The following GRK5 variants were observed in gnomAD, a reference collection of about 807,000 sequenced individuals.
GRK5 encodes G protein-coupled receptor kinase 5.
In GRK5, 40 loss-of-function variants were observed where a neutral mutation model predicts 78.4. The ratio of observed to expected loss-of-function variants is 0.51; its 90% CI spans 0.40 to 0.66. The LOEUF (loss-of-function observed/expected upper bound fraction) is 0.66, where lower values mean the gene tolerates loss of function less well. Among genes scored for constraint, GRK5 ranks in the 30% least tolerant of loss-of-function variants. The pLI is 0.00. For missense variants in GRK5, 598 were observed against 759.9 expected (o/e 0.79, Z 2.50); for synonymous variants, 289 against 296.8 (o/e 0.97, Z 0.27).
chr10:119,286,144 A>G (rs907341618), intron 1 of GRK5, among the ~76,000 whole-genome samples: 3 of 150,072 alleles, frequency 2.0e-5, no homozygotes, highest in African/African-American at 7.5e-5. Context: ...TCAGGATTTT[A>G]AAAACTTTTC....
chr10:119,275,204 G>A lies in GRK5; in HGVS notation c.53-51312G>A, dbSNP rs545434821. 3.3e-5 allele frequency among the ~76,000 whole-genome samples: 5 copies of A among 152,268 alleles called. No homozygotes were observed. In the South Asian group the frequency reaches 1.0e-3, roughly 32 times the overall value. ...CCAGAGTGAAGTTCCTGACTGTGAG[G>A]TTTCAGACGGGATAAGCGCCTGGAG... On this transcript the variant is annotated intron_variant, in intron 1 of 15. Transcript: ENST00000392870.
At chr10:119,338,724 C>T (rs944728840) in intron 2 of GRK5, among the ~76,000 whole-genome samples, 2 of 152,162 alleles carry the variant, frequency 1.3e-5, no homozygotes, top group African/African-American at 4.8e-5. Flanking sequence ...CACCCAGGCC[C>T]CCGGTCTCTC....
chr10:119,437,954 C>T (rs768146898), intron 9 of GRK5, among the ~76,000 whole-genome samples: 5 of 152,128 alleles, frequency 3.3e-5, no homozygotes, highest in African/African-American at 9.7e-5. Context: ...AAAAAGTAGC[C>T]GGATGCGGTG....
At chr10:119,280,565 G>A (rs1849746316) in intron 1 of GRK5, among the ~76,000 whole-genome samples, 1 of 152,030 alleles carries the variant, frequency 6.6e-6, no homozygotes. Flanking sequence ...GTTATTTTAG[G>A]GGTCTCAGCA....
intron 2 of GRK5, among the ~76,000 whole-genome samples, chr10:119,353,776 A>G (rs920106241): frequency 2.7e-4 from 41 of 152,142 alleles, no homozygotes; most frequent in Admixed American, 2.3e-3. Flanking sequence ...ATTTTTAGCA[A>G]TGACATCACT....
Position 119,412,143 on chromosome 10 carries a change from G to T in GRK5, c.340-11023G>T, listed in dbSNP as rs934532532. 6.6e-6 allele frequency among the ~76,000 whole-genome samples: 1 copy of T among 152,060 alleles called. No homozygotes were observed. Among genetic ancestry groups the T allele is most frequent in the African/African-American group, 2.4e-5 (1 of 41,394 alleles). Reference sequence around the variant, plus strand: ...TGGGATTCCAGGCGTGAGCCACTGCGCCCGGCCTCAGATCCGCTTCTGATT... The same window carrying T: ...TGGGATTCCAGGCGTGAGCCACTGCTCCCGGCCTCAGATCCGCTTCTGATT... On this transcript the variant is annotated intron_variant, in intron 4 of 15. Coordinates refer to ENST00000392870, the MANE Select transcript of GRK5 (RefSeq NM_005308.3). This position sits in a 1 kb window ranked among gnomAD's most constrained non-coding sequence, Gnocchi z 4.3.
intron 13 of GRK5, among the ~76,000 whole-genome samples, chr10:119,451,809 G>A (rs147582693): frequency 1.3e-4 from 20 of 152,326 alleles, no homozygotes; most frequent in African/African-American, 3.4e-4. Context: ...CTGGCATGGC[G>A]GAGCCCATGC....
Position 119,379,014 on chromosome 10 carries a change from G to A in GRK5, c.149-1801G>A, listed in dbSNP as rs576095872. 6.6e-6 allele frequency among the ~76,000 whole-genome samples: 1 copy of A among 152,320 alleles called. No individual in the cohort carries two copies. Among genetic ancestry groups the A allele is most frequent in the African/African-American group, 2.4e-5 (1 of 41,574 alleles). On this transcript the variant is annotated intron_variant, in intron 2 of 15. Coordinates refer to ENST00000392870, the MANE Select transcript of GRK5 (RefSeq NM_005308.3). This position sits in a 1 kb window ranked among gnomAD's most constrained non-coding sequence, Gnocchi z 4.1. ...GTGACTGAGTCACGTGCCTGTCTCC[G>A]TAGCATGGGAGGCGTCAGCTCCCCT...
At chr10:119,296,882 C>G (rs1850090723) in intron 1 of GRK5, among the ~76,000 whole-genome samples, 1 of 152,242 alleles carries the variant, frequency 6.6e-6, no homozygotes, top group African/African-American at 2.4e-5. Context: ...GCGCAGGGCC[C>G]CACCCCCAGT....
chr10:119,214,906 G>A (rs1848545901), intron 1 of GRK5, among the ~76,000 whole-genome samples: 1 of 152,244 alleles, frequency 6.6e-6, no homozygotes, highest in Non-Finnish European at 1.5e-5. Flanking sequence ...GGAATGACAA[G>A]ATCCAAGAGG....
intron 4 of GRK5, among the ~76,000 whole-genome samples, chr10:119,420,590 T>A (rs568216706): frequency 6.6e-6 from 1 of 151,478 alleles, no homozygotes; most frequent in African/African-American, 2.4e-5. Context: ...TTTTTCTTTT[T>A]TCTTTTGAGA....
intron 2 of GRK5, among the ~76,000 whole-genome samples, chr10:119,343,335 C>G (rs1457771835): frequency 2.6e-5 from 4 of 152,190 alleles, no homozygotes; most frequent in Admixed American, 1.3e-4. Context: ...CAAACATTTC[C>G]TGGATGCTTA....
chr10:119,264,112 T>A lies in GRK5; in HGVS notation c.52+56143T>A, dbSNP rs1849455269. Among the ~76,000 whole-genome samples the A allele has an allele frequency of 6.6e-6, 1 of 152,174 alleles. No homozygotes were observed. Among genetic ancestry groups the A allele is most frequent in the Non-Finnish European group, 1.5e-5 (1 of 68,040 alleles). ...ATGTGATGCTCCTCAAGAGAGTCTA[T>A]ATTTGTTATCAAAATGAGCCACGTG... On this transcript the variant is annotated intron_variant, in intron 1 of 15. Transcript: ENST00000392870. This position sits in a 1 kb window ranked among gnomAD's most constrained non-coding sequence, Gnocchi z 4.1.
chr10:119,354,506 A>C (rs979784671), intron 2 of GRK5, among the ~76,000 whole-genome samples: 2 of 145,486 alleles, frequency 1.4e-5, no homozygotes, highest in East Asian at 2.0e-4. Flanking sequence ...GGCTCAATTG[A>C]CCCTCCCACC....
At chr10:119,239,220 C>T (rs1490125405) in intron 1 of GRK5, among the ~76,000 whole-genome samples, 1 of 151,604 alleles carries the variant, frequency 6.6e-6, no homozygotes. Context: ...TGGGGCAGGT[C>T]CTTAAGGAGC....
chr10:119,439,420 T>C (rs1273956840), intron 9 of GRK5, among the ~76,000 whole-genome samples: 3 of 152,224 alleles, frequency 2.0e-5, no homozygotes, highest in Non-Finnish European at 4.4e-5. Context: ...TTCTCAGCCT[T>C]GGAGTATCCT....
intron 1 of GRK5, among the ~76,000 whole-genome samples, chr10:119,280,160 C>T (rs553908359): frequency 2.0e-5 from 3 of 152,220 alleles, no homozygotes; most frequent in South Asian, 2.1e-4. Context: ...TCTCCCTGGC[C>T]GTGCAGAACA....
At chr10:119,402,204 A>G (rs1453932788) in intron 4 of GRK5, among the ~76,000 whole-genome samples, 1 of 152,226 alleles carries the variant, frequency 6.6e-6, no homozygotes, top group Non-Finnish European at 1.5e-5. Context: ...CCCTGCGTAC[A>G]TTCCCATCCC....
At chr10:119,344,902 C>T (rs998837384) in intron 2 of GRK5, among the ~76,000 whole-genome samples, 7 of 144,642 alleles carry the variant, frequency 4.8e-5, no homozygotes, top group African/African-American at 1.8e-4. Context: ...TCCTTCCTTC[C>T]TTCCTTCCTT....
Sources: allele counts gnomAD v4.1 joint callset (sites outside exome capture counted in the v4.1 genomes callset), GRCh38; gene constraint gnomAD v4.1.1; non-coding constraint Gnocchi (gnomAD v3.1); transcripts MANE v1.5; gene names NCBI Gene and HGNC (gene_info 2026-07-23, HGNC 2026-07-21).